WDR74: variants seen among roughly 807,000 people sequenced by gnomAD.
WDR74 encodes the protein WD repeat-containing protein 74.
WDR74 carries 31 observed loss-of-function variants against 45.6 expected under a neutral mutation model. The ratio of observed to expected loss-of-function variants is 0.68; its 90% CI spans 0.51 to 0.92. The LOEUF (loss-of-function observed/expected upper bound fraction) is 0.92. Among genes scored for constraint, WDR74 ranks in the 40% least tolerant of loss-of-function variants. The probability of loss-of-function intolerance (pLI) is 0.00; values close to 1 mark genes in which losing one functional copy is unlikely to be tolerated. For missense variants in WDR74, 455 were observed against 497.2 expected, an observed-to-expected ratio of 0.92 and a Z score of 0.81; for synonymous variants, 191 against 192.4, an observed-to-expected ratio of 0.99 and a Z score of 0.06.
upstream of WDR74, chr11:62,839,710 T>A: frequency 1.8e-6 from 2 of 1,090,098 alleles, no homozygotes; most frequent in Non-Finnish European, 2.6e-6. Flanking sequence ...TGTTTTGCTT[T>A]ACGAAAATGA....
upstream of WDR74, among the ~76,000 whole-genome samples, chr11:62,841,405 G>GT (rs747411574): frequency 2.0e-5 from 3 of 151,488 alleles, no homozygotes; most frequent in South Asian, 6.4e-4. Flanking sequence ...AGAGGCTGAA[G>GT]TATGAAGATT....
chr11:62,840,361 T>C (rs1213999989), upstream of WDR74: 1 of 151,542 alleles, frequency 6.6e-6, no homozygotes, highest in Non-Finnish European at 1.5e-5. Context: ...CGGGCGCCTG[T>C]AGTCCCAGCT....
intron 6 of WDR74, 105 bp downstream of exon 6, chr11:62,835,326 C>G: frequency 9.4e-7 from 1 of 1,064,356 alleles, no homozygotes; most frequent in Non-Finnish European, 1.4e-6. Context: ...GCTTGCTCCT[C>G]TGAACTCAGA....
chr11:62,841,450 TCA>T (rs1366129941), upstream of WDR74: 1 of 152,218 alleles, frequency 6.6e-6, no homozygotes, highest in African/African-American at 2.4e-5. Context: ...CGCTCCGTGC[TCA>T]GTTATAAAAC....
rs1252307654 is a variant in WDR74 at position 62,833,558 on chromosome 11, C to T, written c.978+60G>A. On this transcript the variant is annotated intron_variant, in intron 10 of 10. Coordinates refer to ENST00000278856, the MANE Select transcript of WDR74 (RefSeq NM_001369450.1). ...ATTCCAGCTGCCTCCTTTTCCTCTC[C>T]ATAGGGAGGTCCTCACATCTATGCC... 8.4e-6 allele frequency: 13 copies of T among 1,544,074 alleles called. No individual in the cohort carries two copies. In the East Asian group the frequency reaches 1.5e-4, roughly 17 times the overall value.
intron 3 of WDR74, among the ~76,000 whole-genome samples, chr11:62,837,241 C>T (rs772963477): frequency 4.8e-4 from 73 of 151,948 alleles, no homozygotes; most frequent in Non-Finnish European, 8.2e-4. Context: ...GCCTGTAATC[C>T]CAGCATTTTG....
At chr11:62,833,584 C>A in intron 10 of WDR74, 34 bp downstream of exon 10, 1 of 1,551,318 alleles carries the variant, frequency 6.4e-7, no homozygotes, top group South Asian at 1.2e-5. Flanking sequence ...CATCTATGCC[C>A]TTGGCTCCCA....
intron 3 of WDR74, chr11:62,836,525 G>A (rs117783317): frequency 0.016 from 2,678 of 163,630 alleles, 46 homozygotes; most frequent in Non-Finnish European, 0.024. Context: ...TGGGTTCCTT[G>A]CTCTGAGTTT....
upstream of WDR74, chr11:62,840,519 T>C (rs1006783243): frequency 6.6e-6 from 1 of 151,654 alleles, no homozygotes; most frequent in African/African-American, 2.4e-5. Flanking sequence ...CTCTGTGCTA[T>C]GCTACATGAG....
intron 3 of WDR74, among the ~76,000 whole-genome samples, chr11:62,837,711 C>T (rs750802268): frequency 1.3e-5 from 2 of 152,170 alleles, no homozygotes; most frequent in African/African-American, 2.4e-5. Context: ...CAGTCCCCCC[C>T]ACAGGCTTTC....
At chr11:62,839,467 T>G (rs771719739) in intron 1 of WDR74, 39 bp from the exon 2 acceptor site, 6 of 1,613,180 alleles carry the variant, frequency 3.7e-6, no homozygotes, top group Admixed American at 3.3e-5. Flanking sequence ...GGGGCGCGAG[T>G]GCACCCCTGC....
At chr11:62,841,786 T>TA (rs1167577471), upstream of WDR74, 1 of 152,258 alleles carries the variant, frequency 6.6e-6, no homozygotes. Context: ...ACACTTGATC[T>TA]TAGCCAAAAG....
intron 6 of WDR74, chr11:62,834,955 G>A (rs1272648224): frequency 4.5e-6 from 1 of 223,034 alleles, no homozygotes; most frequent in African/African-American, 2.3e-5. Flanking sequence ...AAAGAAAATA[G>A]GACAAATACA....
chr11:62,840,478 C>G (rs1244647018), upstream of WDR74: 1 of 121,588 alleles, frequency 8.2e-6, no homozygotes, highest in African/African-American at 3.0e-5. Context: ...GACTCCGTCT[C>G]AAAAAAAAAA....
Position 62,833,618 on chromosome 11 carries a change from C to T in WDR74, c.978G>A (p.Glu326=). 1.3e-6 allele frequency: 2 copies of T among 1,552,028 alleles called. No homozygotes were observed. Among genetic ancestry groups the T allele is most frequent in the Non-Finnish European group, 1.7e-6 (2 of 1,147,148 alleles). The change falls in exon 10 of 11, where the codon GAG becomes GAA. Residue 326 remains glutamate, a splice_region_variant and synonymous_variant. Coordinates refer to ENST00000278856, the MANE Select transcript of WDR74 (RefSeq NM_001369450.1). ...CLLLSGRDNW[E]DEPQEPQEPN... ...CACATTCCCGGGCCCAACTGCTCAC[C>T]TCCCAGTTGTCCCTGCCTGACAAGA... is the stretch of plus-strand genomic sequence containing the variant.
At chr11:62,841,592 T>A (rs769582336), upstream of WDR74, 2 of 152,168 alleles carry the variant, frequency 1.3e-5, no homozygotes, top group African/African-American at 2.4e-5. Context: ...AATCTTCCAT[T>A]AAACAACGGT....
At chr11:62,841,765 G>T (rs927532862), upstream of WDR74, 1 of 152,194 alleles carries the variant, frequency 6.6e-6, no homozygotes, top group Non-Finnish European at 1.5e-5. Flanking sequence ...AAACTGATAA[G>T]AACAGATACT....
upstream of WDR74, chr11:62,840,511 CTG>C (rs2085030902): frequency 2.0e-5 from 3 of 151,942 alleles, no homozygotes; most frequent in Non-Finnish European, 1.5e-5. Context: ...TAAAAGTACT[CTG>C]TGCTATGCTA....
chr11:62,838,800 A>C (rs1434665595), intron 3 of WDR74, among the ~76,000 whole-genome samples: 3 of 151,976 alleles, frequency 2.0e-5, no homozygotes, highest in African/African-American at 4.8e-5. Context: ...CACACACACA[A>C]AACTATTAAA....
Sources: gnomAD v4.1 joint callset for allele counts (sites outside exome capture counted in the v4.1 genomes callset) on GRCh38, gnomAD v4.1.1 for gene constraint, MANE v1.5 for transcripts, NCBI Gene and HGNC (gene_info 2026-07-23, HGNC 2026-07-21) for gene names.